The following PRKCA variants were observed in gnomAD, a reference collection of about 807,000 sequenced individuals.
PRKCA encodes the protein protein kinase C alpha.
A neutral mutation model predicts 87.0 loss-of-function variants in PRKCA; 27 were observed. The ratio of observed to expected loss-of-function variants is 0.31; its 90% CI spans 0.23 to 0.43. The LOEUF is 0.43. PRKCA is among the 20% of genes least tolerant of loss of function. The probability of loss-of-function intolerance (pLI) is 1.00; values close to 1 mark genes in which losing one functional copy is unlikely to be tolerated. For missense variants in PRKCA, 518 were observed against 852.3 expected (o/e 0.61, Z 4.88); for synonymous variants, 329 against 311.1 (o/e 1.06, Z -0.61).
intron 5 of PRKCA, chr17:66,677,391 T>A (rs1714395755): frequency 6.6e-6 from 1 of 152,276 alleles, no homozygotes; most frequent in African/African-American, 2.4e-5. Flanking sequence ...ATTTTTTAAA[T>A]AAAGTTTTAT....
intron 2 of PRKCA, among the ~76,000 whole-genome samples, chr17:66,352,558 GTTTTT>G (rs56317931): frequency 1.2e-5 from 1 of 83,758 alleles, no homozygotes; most frequent in African/African-American, 4.6e-5. Flanking sequence ...GTTTTTTGAG[GTTTTT>G]TTTTTTTTTT....
At chr17:66,512,742 G>A (rs1917296566) in intron 3 of PRKCA, among the ~76,000 whole-genome samples, 2 of 152,178 alleles carry the variant, frequency 1.3e-5, no homozygotes, top group South Asian at 4.2e-4. Flanking sequence ...GCCCAGGCTG[G>A]AGTGCAGTGT....
chr17:66,738,858 G>A lies in PRKCA; in HGVS notation c.1322+3G>A. ...AAATTTAAGGAACCACAAGCAGTGT[G>A]AGTATTATTTTTTAAGTCCTTTAAT... On this transcript the variant is annotated splice_donor_region_variant and intron_variant, in intron 11 of 16. Coordinates refer to ENST00000413366, the MANE Select transcript of PRKCA (RefSeq NM_002737.3). The A allele has an allele frequency of 1.2e-6, 2 of 1,609,122 alleles. No individual in the cohort carries two copies. The highest frequency in any genetic ancestry group is 1.1e-5 in the South Asian group (1 of 90,922).
chr17:66,650,343 A>T (rs975597289), intron 5 of PRKCA, among the ~76,000 whole-genome samples: 31 of 138,320 alleles, frequency 2.2e-4, no homozygotes, highest in African/African-American at 8.2e-4. Flanking sequence ...TGATATTATC[A>T]GAATGGTGTC....
intron 3 of PRKCA, among the ~76,000 whole-genome samples, chr17:66,613,896 C>T (rs1018597595): frequency 7.3e-6 from 1 of 137,716 alleles, no homozygotes; most frequent in Non-Finnish European, 1.5e-5. Context: ...GATTCTTGTG[C>T]CTCAGCCTCC....
At chr17:66,764,993 C>T (rs762067105) in intron 13 of PRKCA, among the ~76,000 whole-genome samples, 12 of 152,134 alleles carry the variant, frequency 7.9e-5, no homozygotes, top group African/African-American at 1.2e-4. Context: ...CCATAGGAGC[C>T]GGTGGAATTC....
intron 13 of PRKCA, among the ~76,000 whole-genome samples, chr17:66,770,179 G>A (rs992792478): frequency 1.2e-4 from 19 of 152,196 alleles, no homozygotes; most frequent in Admixed American, 2.6e-4. Flanking sequence ...CCAAGTATGT[G>A]TAAGTTCATT....
chr17:66,713,577 T>C (rs1476380689), intron 8 of PRKCA, among the ~76,000 whole-genome samples: 4 of 152,190 alleles, frequency 2.6e-5, no homozygotes, highest in African/African-American at 7.2e-5. Flanking sequence ...TTATGTTTCC[T>C]GTGTGGTTTT....
chr17:66,755,273 C>T (rs535000274), intron 13 of PRKCA, among the ~76,000 whole-genome samples: 2 of 152,322 alleles, frequency 1.3e-5, no homozygotes, highest in Admixed American at 6.5e-5. Context: ...CTTGGAGAAG[C>T]GCGGCATGGG....
chr17:66,687,535 T>G (rs911054537), intron 6 of PRKCA, among the ~76,000 whole-genome samples: 1 of 152,234 alleles, frequency 6.6e-6, no homozygotes, highest in African/African-American at 2.4e-5. Context: ...AGAATTAAGG[T>G]AAATAGAATT....
chr17:66,339,656 A>C (rs1032476575), intron 2 of PRKCA: 12 of 152,196 alleles, frequency 7.9e-5, no homozygotes, highest in African/African-American at 2.9e-4. Context: ...AGCTGTTTTG[A>C]AGTACATTTG....
chr17:66,767,565 T>C (rs181787096), intron 13 of PRKCA, among the ~76,000 whole-genome samples: 2 of 152,310 alleles, frequency 1.3e-5, no homozygotes, highest in Admixed American at 1.3e-4. Context: ...GTTTTTAGAA[T>C]GGACAACTCT....
chr17:66,796,091 C>T (rs561167632), intron 16 of PRKCA, among the ~76,000 whole-genome samples: 1 of 152,276 alleles, frequency 6.6e-6, no homozygotes, highest in African/African-American at 2.4e-5. Context: ...AAAGGGGTCC[C>T]AATCCCTTAG....
In PRKCA at chr17:66,413,525, T is replaced by C. The variant is rs188774886; in HGVS notation, c.206-82676T>C. Among the ~76,000 whole-genome samples, 6 of 152,286 alleles carry C rather than the reference T, an allele frequency of 3.9e-5. No homozygotes were observed. The East Asian group carries it at 1.2e-3, about 29-fold the overall frequency. On this transcript the variant is annotated intron_variant, in intron 2 of 16. Coordinates refer to ENST00000413366, the MANE Select transcript of PRKCA (RefSeq NM_002737.3). ...TTGAGAGTTTCAGCCTCTAATCAGA[T>C]GATTTTCCTGGCAACCAGCCACCTA...
At chr17:66,784,479 T>C (rs1030376299) in intron 14 of PRKCA, among the ~76,000 whole-genome samples, 2 of 152,006 alleles carry the variant, frequency 1.3e-5, no homozygotes, top group Admixed American at 6.6e-5. Context: ...ACTCCTGACC[T>C]CAGGTGATCC....
At chr17:66,305,307 G>A (rs1904757099) in intron 1 of PRKCA, among the ~76,000 whole-genome samples, 2 of 152,148 alleles carry the variant, frequency 1.3e-5, no homozygotes, top group South Asian at 4.2e-4. Context: ...AATTTTAAAA[G>A]TATGTGAAAT....
At chr17:66,468,337 A>T (rs1011257064) in intron 2 of PRKCA, among the ~76,000 whole-genome samples, 2 of 151,966 alleles carry the variant, frequency 1.3e-5, no homozygotes, top group African/African-American at 4.8e-5. Context: ...GTCACTGAGG[A>T]CTCTGTCCTC....
intron 2 of PRKCA, chr17:66,306,420 A>T: frequency 3.1e-6 from 1 of 318,854 alleles, no homozygotes; most frequent in South Asian, 7.1e-5. Flanking sequence ...TGAGAAAAAA[A>T]TGGAATCACT....
chr17:66,717,833 C>A (rs1342934888), intron 8 of PRKCA, among the ~76,000 whole-genome samples: 2 of 152,200 alleles, frequency 1.3e-5, no homozygotes, highest in African/African-American at 4.8e-5. Flanking sequence ...CTGAGGCCCT[C>A]GCTGCAGTTG....
Sources: gnomAD v4.1 joint callset for allele counts (sites outside exome capture counted in the v4.1 genomes callset) on GRCh38, gnomAD v4.1.1 for gene constraint, MANE v1.5 for transcripts, NCBI Gene and HGNC (gene_info 2026-07-23, HGNC 2026-07-21) for gene names.